The following PGD variants were observed in gnomAD, a reference collection of about 807,000 sequenced individuals.
PGD encodes the protein 6-phosphogluconate dehydrogenase, decarboxylating.
In PGD, 21 loss-of-function variants were observed where a neutral mutation model predicts 60.4. That is an observed-to-expected ratio of 0.35 (90% CI 0.25 to 0.50). PGD has a LOEUF of 0.50. Among genes scored for constraint, PGD ranks in the 20% least tolerant of loss-of-function variants. The pLI is 0.98. For missense variants in PGD, 477 were observed against 613.1 expected (o/e 0.78, Z 2.34); for synonymous variants, 230 against 235.9 (o/e 0.97, Z 0.23).
intron 7 of PGD, 26 bp from the exon 8 acceptor site, chr1:10,413,035 TG>T (rs771680199): frequency 6.3e-7 from 1 of 1,598,652 alleles, no homozygotes; most frequent in Non-Finnish European, 8.6e-7. Flanking sequence ...TCCTCTAACA[TG>T]GTTCTCTCCT....
intron 8 of PGD, among the ~76,000 whole-genome samples, chr1:10,414,579 A>C (rs1375223744): frequency 1.3e-5 from 2 of 151,534 alleles, no homozygotes; most frequent in East Asian, 4.0e-4. Context: ...GTTTTACCAT[A>C]TTGGTCAGGC....
chr1:10,401,914 C>T (rs1639321792), intron 3 of PGD, among the ~76,000 whole-genome samples: 1 of 152,056 alleles, frequency 6.6e-6, no homozygotes, highest in Non-Finnish European at 1.5e-5. Context: ...ACTTGGGAGG[C>T]TGAGGCAGGA....
At chr1:10,404,443 T>C (rs1639366728) in intron 5 of PGD, among the ~76,000 whole-genome samples, 164 bp downstream of exon 5, 1 of 152,170 alleles carries the variant, frequency 6.6e-6, no homozygotes, top group Non-Finnish European at 1.5e-5. Flanking sequence ...TGCTTTGATA[T>C]AGTATATGTG....
intron 3 of PGD, among the ~76,000 whole-genome samples, 184 bp downstream of exon 3, chr1:10,400,756 C>T (rs1639302744): frequency 1.3e-5 from 2 of 151,822 alleles, no homozygotes; most frequent in African/African-American, 4.8e-5. Flanking sequence ...TAACTTTGTC[C>T]TTTGGTGGTA....
chr1:10,411,090 T>C (rs1639491711), intron 6 of PGD, among the ~76,000 whole-genome samples: 1 of 151,234 alleles, frequency 6.6e-6, no homozygotes, highest in Admixed American at 6.6e-5. Context: ...GGGTGGGGGC[T>C]GGGAAGGTGG....
intron 1 of PGD, 65 bp from the exon 2 acceptor site, chr1:10,399,564 A>AC (rs1347307344): frequency 5.7e-6 from 8 of 1,404,772 alleles, no homozygotes; most frequent in Admixed American, 1.7e-5. Flanking sequence ...GAAGGACCGG[A>AC]CCCCTGGGTT....
intron 1 of PGD, 55 bp downstream of exon 1, chr1:10,399,180 T>C: frequency 1.3e-6 from 2 of 1,595,650 alleles, no homozygotes; most frequent in Admixed American, 3.4e-5. Flanking sequence ...GGGAACTCTT[T>C]GGGGGTCGAG....
At chr1:10,408,210 A>G (rs1002866655) in intron 6 of PGD, 70 bp downstream of exon 6, 11 of 885,106 alleles carry the variant, frequency 1.2e-5, no homozygotes, top group Non-Finnish European at 1.9e-5. Context: ...GTGCGTGGAG[A>G]AAGGCCACCG....
At chr1:10,400,083 A>T (rs960665453) in intron 2 of PGD, 1 of 456,950 alleles carries the variant, frequency 2.2e-6, no homozygotes, top group Non-Finnish European at 4.0e-6. Context: ...CGCCAGGATG[A>T]TCAATAACAA....
At chr1:10,409,490 T>A (rs1639461247) in intron 6 of PGD, among the ~76,000 whole-genome samples, 1 of 152,080 alleles carries the variant, frequency 6.6e-6, no homozygotes, top group Non-Finnish European at 1.5e-5. Flanking sequence ...CTCGTGCTTA[T>A]AATCCAGTAT....
In PGD at chr1:10,418,887, C is replaced by G. The variant is rs756001415; in HGVS notation, c.1171C>G (p.Leu391Val). 1.2e-6 allele frequency: 2 copies of G among 1,612,082 alleles called. No individual in the cohort carries two copies. The highest frequency in any genetic ancestry group is 2.7e-5 in the African/African-American group (2 of 74,818). ...DRNPELQNLL[L>V]DDFFKSAVEN... ...AAACCCGGAACTTCAGAACCTCCTA[C>G]TGGACGACTTCTTTAAGTCAGCTGT... Residue 391 changes from leucine to valine, a missense_variant, in exon 11 of 13, where the codon CTG becomes GTG. By Grantham distance (32) the Leu-to-Val change is conservative. Around this residue, in one of 3 missense-constraint regions of PGD, gnomAD observed 431 missense variants for 556.6 expected, o/e 0.77. Coordinates refer to ENST00000270776, the MANE Select transcript of PGD (RefSeq NM_002631.4).
chr1:10,410,492 A>G (rs2102393134), intron 6 of PGD, among the ~76,000 whole-genome samples: 1 of 151,816 alleles, frequency 6.6e-6, no homozygotes, highest in South Asian at 2.1e-4. Context: ...AGCGTCAGTT[A>G]TACAACTGAC....
rs189369210 is a variant in PGD, at chr1:10,399,079, C to T, written c.-39C>T. On this transcript the variant is annotated 5_prime_UTR_variant, in exon 1 of 13. Coordinates refer to ENST00000270776, the MANE Select transcript of PGD (RefSeq NM_002631.4). Reference sequence around the variant, plus strand: ...GCGGGTCTTTCCCTCACTCGTCCTCCGCGCGTCGCCGCTCTTCGGTTCTGC... The same window carrying T: ...GCGGGTCTTTCCCTCACTCGTCCTCTGCGCGTCGCCGCTCTTCGGTTCTGC... The T allele has an allele frequency of 0.01, 16,227 of 1,608,698 alleles. 116 individuals are homozygous for T. The highest frequency in any genetic ancestry group is 0.011 in the Non-Finnish European group (13,030 of 1,179,444).
rs564301694 is a variant in PGD at position 10,417,320 on chromosome 1, A to G, written c.976-56A>G. 5.2e-5 allele frequency: 81 copies of G among 1,551,966 alleles called. No homozygotes were observed. The African/African-American group carries it at 6.4e-4, about 12-fold the overall frequency. Reference sequence around the variant, plus strand: ...GCTGATGAGAATAAGACTGGTAGACATAAGGCGGTCACTCTCCTAATGGCA... The same window carrying G: ...GCTGATGAGAATAAGACTGGTAGACGTAAGGCGGTCACTCTCCTAATGGCA... On this transcript the variant is annotated intron_variant, in intron 9 of 12. Transcript: ENST00000270776.
In PGD at chr1:10,419,706, C is replaced by T. The variant is rs780848902; in HGVS notation, c.1409C>T (p.Thr470Ile). The T allele has an allele frequency of 1.2e-6, 2 of 1,614,222 alleles. No homozygotes were observed. The highest frequency in any genetic ancestry group is 1.1e-5 in the South Asian group (1 of 91,090). Residue 470 changes from threonine to isoleucine, a missense_variant, in exon 13 of 13, where the codon ACA (threonine) becomes ATA (isoleucine). Transcript: ENST00000270776. ...KPGQFIHTNWTGHGGTVSSSS... is the reference protein window; with the variant it reads ...KPGQFIHTNWIGHGGTVSSSS... ...GGGCAGTTTATCCACACCAACTGGA[C>T]AGGCCATGGTGGCACCGTGTCATCC...
At chr1:10,400,629 C>T (rs983377042) in intron 3 of PGD, 57 bp downstream of exon 3, 3 of 1,363,274 alleles carry the variant, frequency 2.2e-6, no homozygotes, top group Non-Finnish European at 2.0e-6. Flanking sequence ...TTGGTTTCTT[C>T]CTTTAGTTCT....
At chr1:10,401,061 T>C (rs1435380047) in intron 3 of PGD, among the ~76,000 whole-genome samples, 1 of 152,004 alleles carries the variant, frequency 6.6e-6, no homozygotes, top group African/African-American at 2.4e-5. Context: ...AAAAATTAGC[T>C]GGGCTTTGTG....
In PGD at chr1:10,420,389, C is replaced by CTTTT. The variant is rs70997229; in HGVS notation, c.*661_*664dup. 6.7e-5 allele frequency among the ~76,000 whole-genome samples: 5 copies of CTTTT among 75,046 alleles called. No homozygotes were observed. Among genetic ancestry groups the CTTTT allele is most frequent in the African/African-American group, 1.1e-4 (2 of 18,854 alleles). 49.2% of individuals were successfully genotyped at this position (75,046 alleles called of 152,430 possible). A position where few individuals can be genotyped will look rare whatever the true frequency, so the allele number is the denominator to read the frequency against. ...CACTGTAACGTGCTTTTTCTTTCGT[C>CTTTT]TTTTTTTTTTTTTTTTTTTTTTTTG... On this transcript the variant is annotated 3_prime_UTR_variant, in exon 13 of 13. Transcript: ENST00000270776.
intron 11 of PGD, 106 bp from the exon 12 acceptor site, chr1:10,419,311 C>G: frequency 6.7e-7 from 1 of 1,486,822 alleles, no homozygotes; most frequent in Non-Finnish European, 9.0e-7. Flanking sequence ...GCCACCGCGC[C>G]TGGCCTAACC....
Sources: gnomAD v4.1 joint callset for allele counts (sites outside exome capture counted in the v4.1 genomes callset) on GRCh38, gnomAD v4.1.1 for gene constraint, gnomAD v4.1.1 regional missense constraint, MANE v1.5 for transcripts, NCBI Gene and HGNC (gene_info 2026-07-23, HGNC 2026-07-21) for gene names.